Variants in NUP98 observed in about 807,000 individuals in gnomAD.
NUP98 encodes nuclear pore complex protein Nup98-Nup96.
Under a neutral mutation model 191.9 loss-of-function variants are expected in NUP98, and 26 were observed. The ratio of observed to expected loss-of-function variants is 0.14; its 90% CI spans 0.10 to 0.19. The LOEUF (loss-of-function observed/expected upper bound fraction) is 0.19. Ranked by LOEUF, NUP98 falls within the 10% of genes least tolerant of loss-of-function variation. NUP98 has a pLI of 1.00. For missense variants in NUP98, 1,941 were observed against 2,178.8 expected (o/e 0.89, Z 2.17); for synonymous variants, 808 against 778.4 (o/e 1.04, Z -0.63).
chr11:3,783,417 G>A (rs1412023387), intron 1 of NUP98, among the ~76,000 whole-genome samples: 1 of 152,088 alleles, frequency 6.6e-6, no homozygotes, highest in African/African-American at 2.4e-5. Flanking sequence ...TGCTCACCTT[G>A]GCTGGGCGCG....
intron 18 of NUP98, among the ~76,000 whole-genome samples, chr11:3,715,468 T>C (rs2079151002): frequency 6.6e-6 from 1 of 151,914 alleles, no homozygotes; most frequent in South Asian, 2.1e-4. Context: ...CTAATGGGTA[T>C]GGTATCTCAT....
chr11:3,751,354 G>A lies in NUP98; in HGVS notation c.1267+1962C>T, dbSNP rs374140523. 7.3e-5 allele frequency among the ~76,000 whole-genome samples: 11 copies of A among 151,634 alleles called. No homozygotes were observed. The South Asian group carries it at 1.3e-3, about 17-fold the overall frequency. ...GCCTGGGTAACAAGAGCAAAACTCC[G>A]ACTCAAAAAACAAACAAGAATATAA... is the stretch of plus-strand genomic sequence containing the variant. On this transcript the variant is annotated intron_variant, in intron 11 of 32. Transcript: ENST00000324932.
At chr11:3,765,818 A>AT (rs1243098953) in intron 8 of NUP98, among the ~76,000 whole-genome samples, 1 of 151,882 alleles carries the variant, frequency 6.6e-6, no homozygotes, top group Non-Finnish European at 1.5e-5. Flanking sequence ...AAAAAAAAAA[A>AT]AATTGATCAA....
Position 3,702,807 on chromosome 11 carries a change from T to G in NUP98, c.3168A>C (p.Ala1056=). ...TGGATGGGATATTCATTAAAGATGC[T>G]GCTCTGGGAGTACGACATTCTTGCA... ...VSVQECRTPR[A]ASLMNIPSTS... The change falls in exon 23 of 33, where the codon GCA becomes GCC. Residue 1056 remains alanine, a synonymous_variant. Coordinates refer to ENST00000324932, the MANE Select transcript of NUP98 (RefSeq NM_016320.5). 1.2e-6 allele frequency: 2 copies of G among 1,614,172 alleles called. No individual in the cohort carries two copies. The highest frequency in any genetic ancestry group is 1.7e-6 in the Non-Finnish European group (2 of 1,180,004).
At chr11:3,681,991 C>T (rs1410140734) in intron 30 of NUP98, among the ~76,000 whole-genome samples, 1 of 152,222 alleles carries the variant, frequency 6.6e-6, no homozygotes, top group African/African-American at 2.4e-5. Flanking sequence ...TTCTGGGTAA[C>T]TTGCTGTACC....
intron 24 of NUP98, among the ~76,000 whole-genome samples, chr11:3,700,249 A>G (rs549214404): frequency 1.4e-5 from 2 of 143,542 alleles, no homozygotes; most frequent in South Asian, 4.6e-4. Flanking sequence ...AGCTACAGTG[A>G]CAGAGTGAGA....
chr11:3,752,135 CTCCA>C (rs1490277721), intron 11 of NUP98, among the ~76,000 whole-genome samples: 1 of 149,120 alleles, frequency 6.7e-6, no homozygotes, highest in East Asian at 2.0e-4. Context: ...CGGAGCAAGA[CTCCA>C]TCTCAAAAAA....
At chr11:3,704,945 G>A (rs960754954) in intron 22 of NUP98, among the ~76,000 whole-genome samples, 3 of 152,192 alleles carry the variant, frequency 2.0e-5, no homozygotes, top group African/African-American at 7.2e-5. Flanking sequence ...AGAGTTCAAG[G>A]CTGTAGTAAG....
rs113006689 is a variant in NUP98, at chr11:3,708,508, C to T, written c.2743-1881G>A. Among the ~76,000 whole-genome samples the T allele has an allele frequency of 4.7e-3, 709 of 152,162 alleles. 2 individuals are homozygous for T. The highest frequency in any genetic ancestry group is 0.016 in the African/African-American group (677 of 41,524). ...TTATTCTATTCACACAAACAGACTTCAAACCTGTAAGATATCATCTAATAA... is the reference window on the plus strand; with the variant it reads ...TTATTCTATTCACACAAACAGACTTTAAACCTGTAAGATATCATCTAATAA... On this transcript the variant is annotated intron_variant, in intron 20 of 32. Transcript: ENST00000324932.
chr11:3,764,180 T>C (rs1319275654), intron 8 of NUP98, among the ~76,000 whole-genome samples: 1 of 152,206 alleles, frequency 6.6e-6, no homozygotes, highest in Non-Finnish European at 1.5e-5. Flanking sequence ...TTCTGAACAT[T>C]TAATGTGAAT....
intron 11 of NUP98, among the ~76,000 whole-genome samples, chr11:3,749,894 G>GT (rs2080678182): frequency 6.6e-6 from 1 of 152,120 alleles, no homozygotes; most frequent in African/African-American, 2.4e-5. Flanking sequence ...ACACAAACTG[G>GT]TATTTTTGAA....
chr11:3,766,486 T>TCA (rs1451375191), intron 8 of NUP98, among the ~76,000 whole-genome samples: 2 of 151,924 alleles, frequency 1.3e-5, no homozygotes, highest in African/African-American at 4.8e-5. Flanking sequence ...GGTCAGGAGT[T>TCA]TGAGACCAGC....
At chr11:3,735,103 T>G (rs2079995579) in intron 13 of NUP98, 88 bp downstream of exon 13, 1 of 1,267,806 alleles carries the variant, frequency 7.9e-7, no homozygotes. Flanking sequence ...GCTTAATCCC[T>G]TAATATATAC....
chr11:3,773,316 G>A (rs1394067467), intron 6 of NUP98, among the ~76,000 whole-genome samples: 1 of 151,860 alleles, frequency 6.6e-6, no homozygotes, highest in Non-Finnish European at 1.5e-5. Flanking sequence ...AGGACATGAA[G>A]CCTGGGAAGC....
At chr11:3,720,974 G>C (rs2134214968) in intron 16 of NUP98, 149 bp from the exon 17 acceptor site, 4 of 503,422 alleles carry the variant, frequency 7.9e-6, no homozygotes, top group South Asian at 4.5e-5. Flanking sequence ...AGGGGTGTGT[G>C]AGTGTGTGTG....
intron 20 of NUP98, chr11:3,711,490 A>G (rs1366048404): frequency 6.5e-6 from 1 of 152,702 alleles, no homozygotes; most frequent in Non-Finnish European, 1.5e-5. Flanking sequence ...GGCCAACTGG[A>G]AAGAGGTTAT....
chr11:3,712,750 CA>C, intron 19 of NUP98, 22 bp from the exon 20 acceptor site: 1 of 1,608,024 alleles, frequency 6.2e-7, no homozygotes, highest in Non-Finnish European at 8.5e-7. Flanking sequence ...AAGAACCCCA[CA>C]AAACAACTTA....
At chr11:3,776,279 A>G (rs2081727676) in intron 4 of NUP98, among the ~76,000 whole-genome samples, 1 of 151,412 alleles carries the variant, frequency 6.6e-6, no homozygotes, top group African/African-American at 2.4e-5. Context: ...GCGCCACCAC[A>G]CCCAGCTAAT....
chr11:3,710,134 T>C (rs1318055849), intron 20 of NUP98, among the ~76,000 whole-genome samples: 1 of 152,008 alleles, frequency 6.6e-6, no homozygotes. Flanking sequence ...AAAATATAAA[T>C]ATGCCTGAGC....
Sources: allele counts gnomAD v4.1 joint callset (sites outside exome capture counted in the v4.1 genomes callset), GRCh38; gene constraint gnomAD v4.1.1; transcripts MANE v1.5; gene names NCBI Gene and HGNC (gene_info 2026-07-23, HGNC 2026-07-21).